The following CCDC171 variants were observed in gnomAD, a reference collection of about 807,000 sequenced individuals.
CCDC171 encodes the protein coiled-coil domain-containing protein 171.
CCDC171 carries 177 observed loss-of-function variants against 168.2 expected under a neutral mutation model. The ratio of observed to expected loss-of-function variants is 1.05; its 90% CI spans 0.93 to 1.19. The LOEUF is 1.19. CCDC171 is among the 50% of genes most tolerant of loss of function. The pLI is 0.00. For synonymous variants in CCDC171, 687 were observed against 540.8 expected (o/e 1.27, Z -3.75); for missense variants, 1,991 against 1,539.0 (o/e 1.29, Z -4.91).
In CCDC171 at chr9:15,876,983, T is replaced by TG. The variant is rs775045338; in HGVS notation, c.3600+2325dup. ...AGCTGAAGTTTTCTGTCTTTTTCAA[T>TG]GGGGGCAAACTTTATTATAGGTATA... On this transcript the variant is annotated intron_variant, in intron 24 of 25. Coordinates refer to ENST00000380701, the MANE Select transcript of CCDC171 (RefSeq NM_173550.4). 2.8e-4 allele frequency among the ~76,000 whole-genome samples: 42 copies of TG among 152,206 alleles called. No homozygotes were observed. The East Asian group carries it at 5.2e-3, about 19-fold the overall frequency.
Position 15,623,143 on chromosome 9 carries a change from A to G in CCDC171, c.676-124A>G, listed in dbSNP as rs542051167. On this transcript the variant is annotated intron_variant, in intron 6 of 25. Transcript: ENST00000380701. ...GAAAATATCTAGGCCTCTTTTGCCT[A>G]TATAAATTAACCTATTATTATAGTT... is the stretch of plus-strand genomic sequence containing the variant. The G allele has an allele frequency of 2.2e-4, 128 of 574,454 alleles. No homozygotes were observed. In the East Asian group the frequency reaches 3.5e-3, roughly 16 times the overall value. 35.6% of individuals were successfully genotyped at this position (574,454 alleles called of 1,614,324 possible).
In CCDC171 at chr9:15,793,551, G is replaced by GTTTT. The variant is rs3082839; in HGVS notation, c.3267+8883_3267+8886dup. On this transcript the variant is annotated intron_variant, in intron 21 of 25. Transcript: ENST00000380701. ...AGCACCACATCGCACTTATTCCAAG[G>GTTTT]TTTTTTTTTTTTTTTTTTTTTTTTT... Among the ~76,000 whole-genome samples, 495 of 77,054 alleles carry GTTTT rather than the reference G, an allele frequency of 6.4e-3. 106 individuals are homozygous for GTTTT. Among genetic ancestry groups the GTTTT allele is most frequent in the African/African-American group, 0.023 (357 of 15,544 alleles). 50.6% of individuals were successfully genotyped at this position (77,054 alleles called of 152,430 possible).
intron 21 of CCDC171, among the ~76,000 whole-genome samples, chr9:15,789,834 G>C (rs1268268535): frequency 1.4e-5 from 2 of 144,420 alleles, no homozygotes; most frequent in South Asian, 2.2e-4. Flanking sequence ...TCCCACCTAC[G>C]AATGAGAACA....
intron 6 of CCDC171, among the ~76,000 whole-genome samples, chr9:16,032,602 G>T (rs1440518063): frequency 6.6e-6 from 1 of 152,192 alleles, no homozygotes; most frequent in Non-Finnish European, 1.5e-5. Flanking sequence ...AGATATCCAG[G>T]TTGGCTCCAA....
intron 6 of CCDC171, among the ~76,000 whole-genome samples, chr9:15,621,081 T>C (rs1210842886): frequency 6.6e-6 from 1 of 152,182 alleles, no homozygotes; most frequent in Non-Finnish European, 1.5e-5. Flanking sequence ...TTCTCCTGCC[T>C]CAGCCTCCCA....
intron 18 of CCDC171, among the ~76,000 whole-genome samples, chr9:15,763,868 G>A (rs1167989065): frequency 6.6e-6 from 1 of 152,030 alleles, no homozygotes; most frequent in Non-Finnish European, 1.5e-5. Flanking sequence ...TAAATCTGAT[G>A]TGAATATTCA....
intron 25 of CCDC171, among the ~76,000 whole-genome samples, chr9:15,932,106 C>G (rs2987066): frequency 2.0e-5 from 3 of 151,956 alleles, no homozygotes; most frequent in Non-Finnish European, 4.4e-5. Flanking sequence ...TGTATGTGGT[C>G]TCACATGAAT....
chr9:16,031,731 A>T (rs140660910), intron 6 of CCDC171, among the ~76,000 whole-genome samples: 2 of 152,122 alleles, frequency 1.3e-5, no homozygotes, highest in African/African-American at 4.8e-5. Flanking sequence ...CCACTTCCTG[A>T]GGGGTCGATA....
chr9:15,598,265 T>G (rs966271983), intron 6 of CCDC171, among the ~76,000 whole-genome samples: 16 of 152,170 alleles, frequency 1.1e-4, no homozygotes, highest in Non-Finnish European at 2.1e-4. Context: ...AGATCTTTCC[T>G]GCTTTCTCTT....
chr9:16,045,210 G>C, intron 1 of CCDC171, among the ~76,000 whole-genome samples: 1 of 152,144 alleles, frequency 6.6e-6, no homozygotes, highest in African/African-American at 2.4e-5. Context: ...GTGCAGTGGC[G>C]CAATGGGGAG....
intron 21 of CCDC171, among the ~76,000 whole-genome samples, chr9:15,808,184 G>T (rs2059163207): frequency 6.6e-6 from 1 of 152,078 alleles, no homozygotes; most frequent in African/African-American, 2.4e-5. Flanking sequence ...GGAAAAGGCA[G>T]CTGGAGAGTA....
intron 21 of CCDC171, among the ~76,000 whole-genome samples, chr9:15,828,166 A>G (rs1209827199): frequency 6.6e-6 from 1 of 152,096 alleles, no homozygotes; most frequent in Admixed American, 6.6e-5. Flanking sequence ...GTTTTGTTTT[A>G]TTTTGAGATG....
chr9:15,807,690 T>G (rs142360902), intron 21 of CCDC171, among the ~76,000 whole-genome samples: 44 of 152,110 alleles, frequency 2.9e-4, no homozygotes, highest in African/African-American at 1.1e-3. Context: ...CATCTTATTG[T>G]TCAAGCAAAG....
At chr9:15,635,175 A>G (rs1267733975) in intron 7 of CCDC171, among the ~76,000 whole-genome samples, 1 of 152,192 alleles carries the variant, frequency 6.6e-6, no homozygotes, top group Non-Finnish European at 1.5e-5. Context: ...ACAATAGGCC[A>G]TCTGCAAGCT....
At chr9:15,576,017 G>T (rs2131173595) in intron 3 of CCDC171, among the ~76,000 whole-genome samples, 1 of 152,032 alleles carries the variant, frequency 6.6e-6, no homozygotes, top group African/African-American at 2.4e-5. Context: ...ACTTGAACCT[G>T]GGAGGCAGAG....
chr9:15,566,545 C>T (rs1484344047), intron 2 of CCDC171, among the ~76,000 whole-genome samples: 2 of 152,088 alleles, frequency 1.3e-5, no homozygotes, highest in East Asian at 1.9e-4. Context: ...GGTGACAGAG[C>T]GAGACTTTGT....
chr9:16,063,159 G>T (rs1833954740), downstream of CCDC171, among the ~76,000 whole-genome samples: 1 of 152,202 alleles, frequency 6.6e-6, no homozygotes, highest in Non-Finnish European at 1.5e-5. Flanking sequence ...ACCAGTGATA[G>T]CAGGAAAATG....
intron 20 of CCDC171, among the ~76,000 whole-genome samples, chr9:15,779,493 G>C (rs2057543177): frequency 6.6e-6 from 1 of 152,074 alleles, no homozygotes; most frequent in African/African-American, 2.4e-5. Context: ...CCAAGCAGCT[G>C]GGATTACAGG....
intron 23 of CCDC171, among the ~76,000 whole-genome samples, chr9:15,862,444 T>C (rs1273877988): frequency 3.3e-5 from 5 of 151,980 alleles, no homozygotes; most frequent in African/African-American, 1.2e-4. Context: ...ACTTTGTTCA[T>C]GTATTATTTT....
Sources: allele counts gnomAD v4.1 joint callset (sites outside exome capture counted in the v4.1 genomes callset), GRCh38; gene constraint gnomAD v4.1.1; transcripts MANE v1.5; gene names NCBI Gene and HGNC (gene_info 2026-07-23, HGNC 2026-07-21).